Variants in UTP4 observed in about 807,000 individuals in gnomAD.
The protein encoded by UTP4 is UTP4 small subunit processome component, also known as U3 small nucleolar RNA-associated protein 4 homolog.
UTP4 carries 45 observed loss-of-function variants against 82.4 expected under a neutral mutation model. That is an observed-to-expected ratio of 0.55 (90% CI 0.43 to 0.70). The LOEUF is 0.70. Ranked by LOEUF, UTP4 falls within the 30% of genes least tolerant of loss-of-function variation. The probability of loss-of-function intolerance (pLI) is 0.00; values close to 1 mark genes in which losing one functional copy is unlikely to be tolerated. For synonymous variants in UTP4, 348 were observed against 300.3 expected (o/e 1.16, Z -1.64); for missense variants, 819 against 858.3 (o/e 0.95, Z 0.57).
In UTP4 at chr16:69,137,742, T is replaced by G. The variant is rs1962848140; in HGVS notation, c.352-59T>G. 5 of 891,390 alleles carry G rather than the reference T, an allele frequency of 5.6e-6. No individual in the cohort carries two copies. In the Admixed American group the frequency reaches 6.8e-5, roughly 12 times the overall value. The allele number at this position is 891,390 out of a possible 1,614,324, so 55.2% of individuals were successfully genotyped here. ...TGTGTTGGGGGGTGTGTGTGTGTGT[T>G]TAGTCCTATAAAATGTTTACTATTG... On this transcript the variant is annotated intron_variant, in intron 3 of 16. Transcript: ENST00000314423.
In UTP4 at chr16:69,153,827, C is replaced by G. The variant is rs1963341293; in HGVS notation, c.1099+147C>G. 4.3e-6 allele frequency: 3 copies of G among 695,834 alleles called. No individual in the cohort carries two copies. In the East Asian group the frequency reaches 8.1e-5, roughly 19 times the overall value. The allele number at this position is 695,834 out of a possible 1,614,324, so 43.1% of individuals were successfully genotyped here. A position where few individuals can be genotyped will look rare whatever the true frequency, so the allele number is the denominator to read the frequency against. The stretch of plus-strand genomic sequence containing the variant: ...TGGTTTTCCCACCCATTAGATAAAG[C>G]AAATAAGCTGTTTAGAGTATTAGAA... On this transcript the variant is annotated intron_variant, in intron 9 of 16. Transcript: ENST00000314423.
chr16:69,143,504 G>A (rs1963025521), intron 6 of UTP4, 115 bp downstream of exon 6: 1 of 930,978 alleles, frequency 1.1e-6, no homozygotes, highest in Non-Finnish European at 1.7e-6. Flanking sequence ...TTGTACTGGA[G>A]GAAGATGAGT....
rs368738339 is a variant in UTP4 at position 69,136,822 on chromosome 16, G to C, written c.286G>C (p.Ala96Pro). 1.1e-5 allele frequency: 17 copies of C among 1,614,038 alleles called. No homozygotes were observed. Among genetic ancestry groups the C allele is most frequent in the Non-Finnish European group, 1.4e-5 (17 of 1,180,024 alleles). ...YDLQALNIKYAMDAFGGPIWS... is the reference protein window; with the variant it reads ...YDLQALNIKYPMDAFGGPIWS... Reference sequence around the variant, plus strand: ...TTTACAGGCGTTAAACATCAAGTATGCTATGGATGCCTTTGGAGGACCTAT... The same window carrying C: ...TTTACAGGCGTTAAACATCAAGTATCCTATGGATGCCTTTGGAGGACCTAT... The change falls in exon 3 of 17, where the codon GCT (alanine) becomes CCT (proline). Residue 96 changes from alanine to proline, a missense_variant. By Grantham distance (27) the Ala-to-Pro change is conservative. Coordinates refer to ENST00000314423, the MANE Select transcript of UTP4 (RefSeq NM_032830.3).
intron 5 of UTP4, among the ~76,000 whole-genome samples, chr16:69,140,499 T>C (rs1962929901): frequency 6.6e-6 from 1 of 152,116 alleles, no homozygotes; most frequent in Admixed American, 6.6e-5. Context: ...GTGGATCACC[T>C]GAGGTCGGGA....
chr16:69,168,466 A>G (rs1215130211), intron 16 of UTP4, among the ~76,000 whole-genome samples: 1 of 150,014 alleles, frequency 6.7e-6, no homozygotes, highest in African/African-American at 2.4e-5. Flanking sequence ...AAGGCTCCCA[A>G]TCTTGAGCCA....
At chr16:69,158,669 A>G (rs932789940) in intron 12 of UTP4, among the ~76,000 whole-genome samples, 2 of 151,332 alleles carry the variant, frequency 1.3e-5, no homozygotes, top group African/African-American at 4.9e-5. Context: ...TATTTTTTCC[A>G]CTTCTCTCAT....
At chr16:69,145,930 T>C (rs1963096511) in intron 6 of UTP4, among the ~76,000 whole-genome samples, 1 of 152,060 alleles carries the variant, frequency 6.6e-6, no homozygotes, top group African/African-American at 2.4e-5. Flanking sequence ...AAAAAAGTTA[T>C]AATCATGATT....
At chr16:69,149,417 G>A (rs1018245026) in intron 6 of UTP4, among the ~76,000 whole-genome samples, 2 of 151,922 alleles carry the variant, frequency 1.3e-5, no homozygotes, top group Non-Finnish European at 2.9e-5. Flanking sequence ...GGGTGTGGTG[G>A]TGTGTGCCTG....
intron 8 of UTP4, among the ~76,000 whole-genome samples, chr16:69,152,644 TGTATTTTTA>T (rs1350672249): frequency 3.9e-5 from 6 of 151,916 alleles, no homozygotes; most frequent in African/African-American, 1.5e-4. Context: ...TAATTTTTTT[TGTATTTTTA>T]GTAGAGACAG....
intron 6 of UTP4, among the ~76,000 whole-genome samples, chr16:69,145,295 C>CT (rs1963078296): frequency 6.7e-6 from 1 of 149,980 alleles, no homozygotes; most frequent in East Asian, 1.9e-4. Flanking sequence ...GTCTCTCACT[C>CT]TGTCTCCCAG....
intron 9 of UTP4, 163 bp downstream of exon 9, chr16:69,153,843 A>T: frequency 1.5e-6 from 1 of 671,698 alleles, no homozygotes; most frequent in Non-Finnish European, 2.7e-6. Context: ...AGCTGTTTAG[A>T]GTATTAGAAT....
rs768727952 is a variant in UTP4, at chr16:69,165,401, C to G, written c.1708C>G (p.Gln570Glu). The change falls in exon 15 of 17, where the codon CAG becomes GAG. Residue 570 changes from glutamine to glutamate, a missense_variant. Gln to Glu is a conservative substitution (Grantham distance 29). Transcript: ENST00000314423. ...YTDWSRTVQKQGFHHLWLQRD... is the reference protein window; with the variant it reads ...YTDWSRTVQKEGFHHLWLQRD... ...AGATTGGAGCCGGACTGTCCAGAAGCAGGGCTTTCACCACCTTTGGCTCCA... is the reference window on the plus strand; with the variant it reads ...AGATTGGAGCCGGACTGTCCAGAAGGAGGGCTTTCACCACCTTTGGCTCCA... The G allele has an allele frequency of 2.2e-5, 35 of 1,613,978 alleles. No individual in the cohort carries two copies. The Admixed American group carries it at 2.7e-4, about 12-fold the overall frequency.
At position 69,133,516 on chromosome 16, in the gene UTP4, C is replaced by T. The variant is rs141243868; in HGVS notation, c.57C>T (p.Ile19=). 6.2e-7 allele frequency: 1 copy of T among 1,614,028 alleles called. No homozygotes were observed. Among genetic ancestry groups the T allele is most frequent in the Non-Finnish European group, 8.5e-7 (1 of 1,180,006 alleles). Residue 19 remains isoleucine, a synonymous_variant, in exon 2 of 17, where the codon ATC becomes ATT. Transcript: ENST00000314423. ...TCTTTAATTATGTTCCATCAGGAAT[C>T]CGCTGTGTGGCTTACAATAACCAGT... ...VRFFNYVPSG[I]RCVAYNNQSN...
chr16:69,134,744 C>G (rs1962766445), intron 2 of UTP4, among the ~76,000 whole-genome samples: 1 of 147,872 alleles, frequency 6.8e-6, no homozygotes, highest in Non-Finnish European at 1.5e-5. Context: ...GCTCTGTCAC[C>G]CAGGCTGGAG....
intron 12 of UTP4, among the ~76,000 whole-genome samples, chr16:69,158,471 A>G (rs1029696080): frequency 2.0e-5 from 3 of 151,640 alleles, no homozygotes; most frequent in South Asian, 2.1e-4. Context: ...GTGAAAGTCA[A>G]CTCTTTTATC....
intron 5 of UTP4, among the ~76,000 whole-genome samples, chr16:69,140,173 TA>T (rs1270413553): frequency 2.0e-5 from 3 of 152,242 alleles, no homozygotes; most frequent in Non-Finnish European, 4.4e-5. Context: ...TCTGAACTAG[TA>T]CATTCGTGTA....
intron 8 of UTP4, among the ~76,000 whole-genome samples, chr16:69,152,059 A>G (rs141153575): frequency 7.7e-4 from 117 of 151,186 alleles, no homozygotes; most frequent in Non-Finnish European, 1.3e-3. Context: ...CATACTTGAT[A>G]TATTAAAAAT....
In UTP4 at chr16:69,165,622, A is replaced by G. The variant is rs1001487088; in HGVS notation, c.1833+96A>G. On this transcript the variant is annotated intron_variant, in intron 15 of 16. Coordinates refer to ENST00000314423, the MANE Select transcript of UTP4 (RefSeq NM_032830.3). ...AGGTAAGAGGACAGAGACTCAGAAT[A>G]AAGGTAGCTAGTAAATCAGAATACA... 2.1e-5 allele frequency: 22 copies of G among 1,028,746 alleles called. No homozygotes were observed. The Admixed American group carries it at 4.1e-4, about 19-fold the overall frequency. 63.7% of individuals were successfully genotyped at this position (1,028,746 alleles called of 1,614,324 possible). A position where few individuals can be genotyped will look rare whatever the true frequency, so the allele number is the denominator to read the frequency against.
rs145734111 is a variant in UTP4 at position 69,156,071 on chromosome 16, C to G, written c.1287+78C>G. 7.8e-4 allele frequency: 1,105 copies of G among 1,422,040 alleles called. 5 individuals carry two copies. In the African/African-American group the frequency reaches 0.014, roughly 18 times the overall value. The allele number at this position is 1,422,040 out of a possible 1,614,324, so 88.1% of individuals were successfully genotyped here. ...CATTTTTGTGTGAAGTGGAAATCAA[C>G]TGGATGTGAATCCTTGCTCAGTTAA... On this transcript the variant is annotated intron_variant, in intron 11 of 16. Transcript: ENST00000314423.
Sources: allele counts gnomAD v4.1 joint callset (sites outside exome capture counted in the v4.1 genomes callset), GRCh38; gene constraint gnomAD v4.1.1; transcripts MANE v1.5; gene names NCBI Gene and HGNC (gene_info 2026-07-23, HGNC 2026-07-21).